TNNI3K: variants seen among roughly 807,000 people sequenced by gnomAD.
The protein encoded by TNNI3K is TNNI3 interacting kinase.
TNNI3K carries 140 observed loss-of-function variants against 114.5 expected under a neutral mutation model. The ratio of observed to expected loss-of-function variants is 1.22; its 90% CI spans 1.07 to 1.41. The LOEUF (loss-of-function observed/expected upper bound fraction) is 1.41. Ranked by LOEUF, TNNI3K falls within the 40% of genes most tolerant of loss-of-function variation. The pLI is 0.00. For synonymous variants in TNNI3K, 347 were observed against 347.5 expected (o/e 1.00, Z 0.02); for missense variants, 1,125 against 1,007.6 (o/e 1.12, Z -1.58).
chr1:74,449,792 A>T (rs1226585568), intron 20 of TNNI3K, among the ~76,000 whole-genome samples: 1 of 151,160 alleles, frequency 6.6e-6, no homozygotes, highest in East Asian at 1.9e-4. Context: ...TTAGACTCCC[A>T]CACATTAATA....
chr1:74,433,718 T>A (rs553778589), intron 17 of TNNI3K, among the ~76,000 whole-genome samples: 1 of 152,192 alleles, frequency 6.6e-6, no homozygotes, highest in Admixed American at 6.6e-5. Context: ...TCATTTTGAA[T>A]GTGACCTCAA....
chr1:74,301,399 C>CA (rs958614306), intron 5 of TNNI3K, among the ~76,000 whole-genome samples: 2 of 151,200 alleles, frequency 1.3e-5, no homozygotes, highest in Admixed American at 6.6e-5. Flanking sequence ...GACTCCATCT[C>CA]AAAAAAAATG....
At chr1:74,532,018 G>A (rs975169825) in intron 23 of TNNI3K, among the ~76,000 whole-genome samples, 1 of 152,200 alleles carries the variant, frequency 6.6e-6, no homozygotes, top group Non-Finnish European at 1.5e-5. Context: ...AATTTGAATG[G>A]AAGAAAATGT....
chr1:74,369,023 G>A lies in TNNI3K; in HGVS notation c.1323G>A (p.Glu441=). 6.3e-7 allele frequency: 1 copy of A among 1,594,900 alleles called. No homozygotes were observed. The highest frequency in any genetic ancestry group is 2.2e-5 in the East Asian group (1 of 44,536). Residue 441 remains glutamate, a splice_region_variant and synonymous_variant, in exon 14 of 25, where the codon GAG becomes GAA. Transcript: ENST00000326637. ...PLGKIKSMTK[E]KADILLLRAG... is the part of the protein sequence containing the mutation. ...TAAAATGACAATTTCTCTTTGCAGA[G>A]AAGGCAGATATTCTCCTCCTAAGAG... is the stretch of plus-strand genomic sequence containing the variant.
At chr1:74,416,822 G>C (rs936178675) in intron 17 of TNNI3K, among the ~76,000 whole-genome samples, 2 of 151,884 alleles carry the variant, frequency 1.3e-5, no homozygotes, top group African/African-American at 4.8e-5. Flanking sequence ...CTTCATTTCT[G>C]TCTTTCTATT....
At chr1:74,535,445 G>A (rs1646649082) in intron 23 of TNNI3K, among the ~76,000 whole-genome samples, 1 of 152,110 alleles carries the variant, frequency 6.6e-6, no homozygotes, top group Admixed American at 6.6e-5. Context: ...AATCCAGCCT[G>A]GGTGACTGAG....
intron 17 of TNNI3K, among the ~76,000 whole-genome samples, chr1:74,403,426 A>G (rs1454364068): frequency 1.3e-5 from 2 of 152,148 alleles, no homozygotes; most frequent in African/African-American, 4.8e-5. Flanking sequence ...CTGAAGTAAC[A>G]TTTGTTCTCT....
intron 5 of TNNI3K, among the ~76,000 whole-genome samples, chr1:74,275,766 A>C (rs1179619009): frequency 6.6e-6 from 1 of 152,110 alleles, no homozygotes; most frequent in Non-Finnish European, 1.5e-5. Context: ...TAGAAGTCTA[A>C]GGCGTTTAAT....
At chr1:74,247,338 G>T (rs1654631774) in intron 2 of TNNI3K, among the ~76,000 whole-genome samples, 1 of 152,096 alleles carries the variant, frequency 6.6e-6, no homozygotes. Flanking sequence ...TTGTGATCTT[G>T]CTGGCTTCAG....
chr1:74,287,462 G>A (rs1657403832), intron 5 of TNNI3K, among the ~76,000 whole-genome samples: 1 of 152,080 alleles, frequency 6.6e-6, no homozygotes. Context: ...AAAGCACCAT[G>A]AGAAAAGTGA....
intron 9 of TNNI3K, among the ~76,000 whole-genome samples, chr1:74,348,120 T>C (rs1292758405): frequency 6.6e-6 from 1 of 152,200 alleles, no homozygotes; most frequent in Non-Finnish European, 1.5e-5. Context: ...CTAGGGTTTT[T>C]ATGGTTTTAG....
Position 74,267,974 on chromosome 1 carries a change from A to T in TNNI3K, c.334-3624A>T, listed in dbSNP as rs557675536. 1.8e-4 allele frequency among the ~76,000 whole-genome samples: 27 copies of T among 152,098 alleles called. No homozygotes were observed. The South Asian group carries it at 5.6e-3, about 31-fold the overall frequency. Reference sequence around the variant, plus strand: ...ATGCTCTGTGATTTACATAAAATTTATTTTAATTTAGCCTAGTACAGTGCT... The same window carrying T: ...ATGCTCTGTGATTTACATAAAATTTTTTTTAATTTAGCCTAGTACAGTGCT... On this transcript the variant is annotated intron_variant, in intron 4 of 24. Transcript: ENST00000326637.
rs934483635 is a variant in TNNI3K at position 74,367,289 on chromosome 1, A to G, written c.1211A>G (p.Tyr404Cys). The G allele has an allele frequency of 1.1e-5, 18 of 1,612,262 alleles. No individual in the cohort carries two copies. The highest frequency in any genetic ancestry group is 1.5e-5 in the Non-Finnish European group (18 of 1,178,732). ...HDAIVTLLKH[Y>C]KRPQDELPCN... Reference sequence around the variant, plus strand: ...GCCATTGTCACACTCCTGAAGCATTATAAGAGACCACAAGATGAATTGCCC... The same window carrying G: ...GCCATTGTCACACTCCTGAAGCATTGTAAGAGACCACAAGATGAATTGCCC... Residue 404 changes from tyrosine to cysteine, a missense_variant, in exon 12 of 25, where the codon TAT (tyrosine) becomes TGT (cysteine). Physicochemically the swap from Tyr to Cys is radical, Grantham distance 194. Coordinates refer to ENST00000326637, the MANE Select transcript of TNNI3K (RefSeq NM_015978.3).
intron 23 of TNNI3K, among the ~76,000 whole-genome samples, chr1:74,537,540 A>G (rs1382628282): frequency 1.3e-5 from 2 of 152,350 alleles, no homozygotes; most frequent in South Asian, 4.1e-4. Flanking sequence ...GATGTCTCCA[A>G]ATGAACATTT....
At chr1:74,280,311 G>A (rs545521252) in intron 5 of TNNI3K, among the ~76,000 whole-genome samples, 37 of 152,224 alleles carry the variant, frequency 2.4e-4, no homozygotes, top group Admixed American at 8.5e-4. Flanking sequence ...GAACCTGGGA[G>A]GCGGAGCTTG....
At chr1:74,388,098 C>T (rs1260365662) in intron 17 of TNNI3K, among the ~76,000 whole-genome samples, 1 of 151,936 alleles carries the variant, frequency 6.6e-6, no homozygotes, top group Non-Finnish European at 1.5e-5. Flanking sequence ...GCCAATATGG[C>T]GAAACCCCAT....
chr1:74,248,001 G>T (rs926034056), intron 2 of TNNI3K, among the ~76,000 whole-genome samples: 16 of 152,106 alleles, frequency 1.1e-4, no homozygotes, highest in Non-Finnish European at 2.2e-4. Context: ...ACGGGGGTAG[G>T]GGGGTGGAGG....
At chr1:74,249,049 G>T (rs1309933794) in intron 2 of TNNI3K, among the ~76,000 whole-genome samples, 3 of 151,854 alleles carry the variant, frequency 2.0e-5, no homozygotes, top group Non-Finnish European at 4.4e-5. Flanking sequence ...TCTGATTTCT[G>T]ATTTCCTGAT....
chr1:74,322,595 G>A (rs572327925), intron 5 of TNNI3K, among the ~76,000 whole-genome samples: 59 of 151,768 alleles, frequency 3.9e-4, no homozygotes, highest in African/African-American at 1.4e-3. Flanking sequence ...TGAGTATCTG[G>A]GAGTACAGGT....
Sources: gnomAD v4.1 joint callset for allele counts (sites outside exome capture counted in the v4.1 genomes callset) on GRCh38, gnomAD v4.1.1 for gene constraint, MANE v1.5 for transcripts, NCBI Gene and HGNC (gene_info 2026-07-23, HGNC 2026-07-21) for gene names.